Variants in ATP10B observed in about 807,000 individuals in gnomAD.
ATP10B encodes ATPase phospholipid transporting 10B (putative), also known as phospholipid-transporting ATPase VB.
In ATP10B, 122 loss-of-function variants were observed where a neutral mutation model predicts 141.2. The observed-to-expected ratio is 0.86, with a 90% confidence interval of 0.75 to 1.00. The LOEUF is 1.00. Ranked by LOEUF, ATP10B falls within the 50% of genes least tolerant of loss-of-function variation. The pLI, the probability that ATP10B is intolerant of heterozygous loss-of-function variation, is 0.00. For synonymous variants in ATP10B, 685 were observed against 692.0 expected, an observed-to-expected ratio of 0.99 and a Z score of 0.16; for missense variants, 1,876 against 1,825.3, an observed-to-expected ratio of 1.03 and a Z score of -0.51.
chr5:160,733,690 CACATAT>C (rs72223117), intron 2 of ATP10B, among the ~76,000 whole-genome samples: 21,164 of 76,342 alleles, frequency 0.28, 1,958 homozygotes, highest in African/African-American at 0.4. Flanking sequence ...TATACACACA[CACATAT>C]ATATATATAT....
chr5:160,630,981 A>G (rs952882516), intron 13 of ATP10B, among the ~76,000 whole-genome samples: 2 of 152,232 alleles, frequency 1.3e-5, no homozygotes, highest in African/African-American at 4.8e-5. Context: ...TTTTGATATC[A>G]AGTTAAAGAA....
chr5:160,694,068 G>A (rs1375670748), intron 3 of ATP10B, among the ~76,000 whole-genome samples: 1 of 152,226 alleles, frequency 6.6e-6, no homozygotes, highest in Non-Finnish European at 1.5e-5. Context: ...CCAGGGAAAT[G>A]ACACATTGTG....
In ATP10B at chr5:160,839,718, T is replaced by C. The variant is rs148359657; in HGVS notation, c.-576+12223A>G. ...TGACCCATCAAATTTCAACTCTATGTTGTATATAAGAGACATATCTAAAAT... is the reference window on the plus strand; with the variant it reads ...TGACCCATCAAATTTCAACTCTATGCTGTATATAAGAGACATATCTAAAAT... On this transcript the variant is annotated intron_variant, in intron 1 of 25. Coordinates refer to ENST00000327245, the MANE Select transcript of ATP10B (RefSeq NM_025153.3). 1.0e-2 allele frequency among the ~76,000 whole-genome samples: 1,519 copies of C among 152,210 alleles called. 17 individuals are homozygous for C. Among genetic ancestry groups the C allele is most frequent in the South Asian group, 0.019 (91 of 4,820 alleles).
Position 160,685,991 on chromosome 5 carries a change from A to G in ATP10B, c.470+88T>C, listed in dbSNP as rs935066431. 21 of 1,040,518 alleles carry G rather than the reference A, an allele frequency of 2.0e-5. No homozygotes were observed. In the Admixed American group the frequency reaches 5.7e-4, roughly 28 times the overall value. The allele number at this position is 1,040,518 out of a possible 1,614,324, so 64.5% of individuals were successfully genotyped here. On this transcript the variant is annotated intron_variant, in intron 6 of 25. Coordinates refer to ENST00000327245, the MANE Select transcript of ATP10B (RefSeq NM_025153.3). The stretch of plus-strand genomic sequence containing the variant: ...GAATTAAATAATTTAGGAAAATAAA[A>G]TCGAAGAAAAGAGACTCATCCTGAG...
chr5:160,807,740 A>G (rs1252846844), intron 1 of ATP10B, among the ~76,000 whole-genome samples: 1 of 152,216 alleles, frequency 6.6e-6, no homozygotes, highest in Non-Finnish European at 1.5e-5. Context: ...AATATTCTAG[A>G]TGAATTCTTT....
At chr5:160,690,858 A>C (rs1764033418) in intron 3 of ATP10B, among the ~76,000 whole-genome samples, 1 of 152,240 alleles carries the variant, frequency 6.6e-6, no homozygotes, top group South Asian at 2.1e-4. Context: ...ATTACTGGGG[A>C]TATACCCAAA....
intron 24 of ATP10B, among the ~76,000 whole-genome samples, chr5:160,573,518 G>A (rs1755006007): frequency 6.6e-6 from 1 of 152,200 alleles, no homozygotes; most frequent in Non-Finnish European, 1.5e-5. Flanking sequence ...GGGCTGCACA[G>A]CAGGAGATGA....
intron 7 of ATP10B, among the ~76,000 whole-genome samples, chr5:160,653,574 CATAT>C (rs1347474224): frequency 3.1e-3 from 60 of 19,502 alleles, no homozygotes; most frequent in Admixed American, 4.7e-3. Flanking sequence ...ATTACATATA[CATAT>C]ATACATATAT....
intron 6 of ATP10B, 86 bp downstream of exon 6, chr5:160,685,993 C>T (rs532519043): frequency 9.6e-7 from 1 of 1,046,648 alleles, no homozygotes; most frequent in Non-Finnish European, 1.3e-6. Context: ...AAAATAAAAT[C>T]GAAGAAAAGA....
intron 10 of ATP10B, among the ~76,000 whole-genome samples, chr5:160,638,551 C>A (rs1314333256): frequency 6.6e-6 from 1 of 152,126 alleles, no homozygotes; most frequent in African/African-American, 2.4e-5. Context: ...CAGCTGTGAG[C>A]CAGCCTCAAG....
intron 9 of ATP10B, among the ~76,000 whole-genome samples, chr5:160,641,225 T>A (rs555304296): frequency 2.0e-5 from 3 of 152,312 alleles, no homozygotes; most frequent in Admixed American, 6.5e-5. Flanking sequence ...AAAGCAGAGT[T>A]GGCAGCAGAG....
the ATP10B span, among the ~76,000 whole-genome samples, chr5:160,876,965 A>T: frequency 6.8e-6 from 1 of 147,080 alleles, no homozygotes; most frequent in South Asian, 2.2e-4. Context: ...TACAAGGAAG[A>T]ACTGGTACCA....
chr5:160,588,765 T>C (rs1756082454), intron 24 of ATP10B, among the ~76,000 whole-genome samples: 3 of 152,148 alleles, frequency 2.0e-5, no homozygotes. Flanking sequence ...AGAGAGACAC[T>C]TGGTATAGAC....
chr5:160,650,013 G>A (rs1000366468), intron 7 of ATP10B, among the ~76,000 whole-genome samples: 9 of 151,666 alleles, frequency 5.9e-5, no homozygotes, highest in African/African-American at 2.2e-4. Flanking sequence ...GGAGGCTGAG[G>A]CACGAAAATC....
intron 13 of ATP10B, among the ~76,000 whole-genome samples, chr5:160,631,803 G>C (rs1299902993): frequency 6.6e-6 from 1 of 152,212 alleles, no homozygotes; most frequent in Non-Finnish European, 1.5e-5. Flanking sequence ...CCCAGTCTAA[G>C]AGTTAGGGAC....
rs1182486757 is a variant in ATP10B, at chr5:160,620,658, G to A, written c.2105C>T (p.Ala702Val). 5 of 1,613,364 alleles carry A rather than the reference G, an allele frequency of 3.1e-6. No homozygotes were observed. The Admixed American group carries it at 5.0e-5, about 16-fold the overall frequency. Reference protein sequence around the residue: ...ESGSGTSLEEALEAPATDLAR... With the variant: ...ESGSGTSLEEVLEAPATDLAR... The stretch of plus-strand genomic sequence containing the variant: ...CAGGTCTGTGGCTGGGGCCTCCAAT[G>A]CCTCCTCCAAGGAAGTGCCTGACCC... The change falls in exon 15 of 26, where the codon GCA becomes GTA. Residue 702 changes from alanine (A) to valine (V), a missense_variant. Ala to Val is a moderately conservative substitution (Grantham distance 64, BLOSUM62 0). Coordinates refer to ENST00000327245, the MANE Select transcript of ATP10B (RefSeq NM_025153.3).
chr5:160,596,719 G>A (rs1204783417), intron 22 of ATP10B, among the ~76,000 whole-genome samples: 11 of 151,768 alleles, frequency 7.2e-5, no homozygotes, highest in East Asian at 5.8e-4. Context: ...ATCAATGTGC[G>A]AAAATCACAA....
intron 10 of ATP10B, among the ~76,000 whole-genome samples, chr5:160,637,778 A>T (rs2127671134): frequency 6.6e-6 from 1 of 152,372 alleles, no homozygotes; most frequent in South Asian, 2.1e-4. Context: ...GGCATAGAGG[A>T]TGTTGCAATG....
At chr5:160,777,740 A>G (rs1390085097) in intron 2 of ATP10B, among the ~76,000 whole-genome samples, 5 of 152,192 alleles carry the variant, frequency 3.3e-5, no homozygotes, top group African/African-American at 1.2e-4. Context: ...TTTCGAAACA[A>G]TTCTCTAGAG....
Sources: allele counts gnomAD v4.1 joint callset (sites outside exome capture counted in the v4.1 genomes callset), GRCh38; gene constraint gnomAD v4.1.1; transcripts MANE v1.5; gene names NCBI Gene and HGNC (gene_info 2026-07-23, HGNC 2026-07-21).